BTNL9: variants seen among roughly 807,000 people sequenced by gnomAD.
The protein encoded by BTNL9 is butyrophilin-like protein 9.
In BTNL9, 45 loss-of-function variants were observed where a neutral mutation model predicts 45.8. The observed-to-expected ratio is 0.98, with a 90% CI of 0.77 to 1.26. The LOEUF is 1.26. Among genes scored for constraint, BTNL9 ranks in the 50% most tolerant of loss-of-function variants. The pLI, the probability that BTNL9 is intolerant of heterozygous loss-of-function variation, is 0.00. For synonymous variants in BTNL9, 346 were observed against 330.8 expected, an observed-to-expected ratio of 1.05 and a Z score of -0.50; for missense variants, 784 against 729.7, an observed-to-expected ratio of 1.07 and a Z score of -0.86.
intron 7 of BTNL9, 95 bp downstream of exon 7, chr5:181,054,354 A>G (rs956305474): frequency 4.4e-6 from 7 of 1,576,808 alleles, no homozygotes; most frequent in Admixed American, 3.9e-5. Flanking sequence ...GCGGCTGGCA[A>G]CTATCTAATT....
chr5:181,045,446 C>A, intron 1 of BTNL9, 21 bp from the exon 2 acceptor site: 2 of 1,325,330 alleles, frequency 1.5e-6, no homozygotes, highest in Non-Finnish European at 1.1e-6. Flanking sequence ...GTCGCTCCAG[C>A]ACCCCTTTGT....
Position 181,055,204 on chromosome 5 carries a change from G to T in BTNL9, c.908-229G>T. On this transcript the variant is annotated intron_variant, in intron 7 of 10. Coordinates refer to ENST00000327705, the MANE Select transcript of BTNL9 (RefSeq NM_152547.5). The surrounding 1 kb of genome is among the most constrained non-coding windows in gnomAD (Gnocchi z 4.4). ...TAAGATCTGGTATCCCTTCTAGGCT[G>T]TGTGCAGATTTCCACCTTTGAGCTA... is the stretch of plus-strand genomic sequence containing the variant. The T allele has an allele frequency of 7.1e-7, 1 of 1,415,362 alleles. No individual in the cohort carries two copies. Among genetic ancestry groups the T allele is most frequent in the African/African-American group, 1.4e-5 (1 of 69,172 alleles). 87.7% of individuals were successfully genotyped at this position (1,415,362 alleles called of 1,614,324 possible). A position where few individuals can be genotyped will look rare whatever the true frequency, so the allele number is the denominator to read the frequency against.
chr5:181,057,010 G>C (rs931836386), intron 9 of BTNL9: 84 of 23,768 alleles, frequency 3.5e-3, no homozygotes, highest in African/African-American at 0.023. Context: ...TTATATATCT[G>C]TGTGTGTGTG....
chr5:181,052,987 A>C (rs1197067020), intron 4 of BTNL9: 5 of 126,960 alleles, frequency 3.9e-5, no homozygotes, highest in African/African-American at 1.5e-4. Flanking sequence ...TCCCTCCCGC[A>C]CGCCCCGCGG....
chr5:181,059,567 T>C lies in BTNL9; in HGVS notation c.1313T>C (p.Val438Ala), dbSNP rs1163783427. 1.2e-6 allele frequency: 2 copies of C among 1,611,674 alleles called. No individual in the cohort carries two copies. Among genetic ancestry groups the C allele is most frequent in the African/African-American group, 2.7e-5 (2 of 74,900 alleles). ...TACTTCGTCCTGGCCCCGCACCGCG[T>C]CGCGCTCACCCTGCGCGTGCCCCCG... ...CEYFVLAPHR[V>A]ALTLRVPPRR... The change falls in exon 11 of 11, where the codon GTC (valine) becomes GCC (alanine). Residue 438 changes from valine to alanine, a missense_variant. Coordinates refer to ENST00000327705, the MANE Select transcript of BTNL9 (RefSeq NM_152547.5).
At chr5:181,044,070 G>A (rs1318098073) in intron 1 of BTNL9, among the ~76,000 whole-genome samples, 1 of 152,192 alleles carries the variant, frequency 6.6e-6, no homozygotes, top group Admixed American at 6.5e-5. Context: ...TTAGCTCTAG[G>A]AGACAGGGCC....
At position 181,042,251 on chromosome 5, in the gene BTNL9, G is replaced by C. The variant is rs1760809337; in HGVS notation, c.-24+1819G>C. Among the ~76,000 whole-genome samples the C allele has an allele frequency of 6.6e-6, 1 of 152,248 alleles. No individual in the cohort carries two copies. The highest frequency in any genetic ancestry group is 6.5e-5 in the Admixed American group (1 of 15,286). ...GCTCCTGGGAGGACAAGCAGCACGT[G>C]CCCGCCGGCAGAGCTCAGCTCCAGC... On this transcript the variant is annotated intron_variant, in intron 1 of 10. Transcript: ENST00000327705. This position sits in a 1 kb window ranked among gnomAD's most constrained non-coding sequence, Gnocchi z 4.5.
chr5:181,059,250 G>C lies in BTNL9; in HGVS notation c.996G>C (p.Leu332=), dbSNP rs1354241432. Residue 332 remains leucine (L), a synonymous_variant, in exon 11 of 11, where the codon CTG becomes CTC. Transcript: ENST00000327705. ...AAQKYAVDVT[L]DPASAHPSLE... ...GGCTCTGCGCAGTGGATGTGACGCT[G>C]GACCCGGCCTCGGCGCACCCCAGCC... The C allele has an allele frequency of 6.4e-7, 1 of 1,561,722 alleles. No individual in the cohort carries two copies. The highest frequency in any genetic ancestry group is 1.8e-5 in the Admixed American group (1 of 55,042).
chr5:181,058,257 G>A, intron 9 of BTNL9, 95 bp from the exon 10 acceptor site: 1 of 1,401,348 alleles, frequency 7.1e-7, no homozygotes, highest in Non-Finnish European at 1.0e-6. Flanking sequence ...CATTCGATCT[G>A]CATGCATCCC....
chr5:181,049,531 T>C (rs115521920), intron 3 of BTNL9, among the ~76,000 whole-genome samples: 2,028 of 152,278 alleles, frequency 0.013, 49 homozygotes, highest in African/African-American at 0.046. Context: ...AAGGATAAAC[T>C]AGAAGCTGAT....
In BTNL9 at chr5:181,055,178, C is replaced by A. The variant is rs1026613943; in HGVS notation, c.908-255C>A. 1 of 1,336,576 alleles carries A rather than the reference C, an allele frequency of 7.5e-7. No individual in the cohort carries two copies. Among genetic ancestry groups the A allele is most frequent in the African/African-American group, 1.5e-5 (1 of 67,082 alleles). The allele number at this position is 1,336,576 out of a possible 1,614,324, so 82.8% of individuals were successfully genotyped here. A position where few individuals can be genotyped will look rare whatever the true frequency, so the allele number is the denominator to read the frequency against. On this transcript the variant is annotated intron_variant, in intron 7 of 10. Coordinates refer to ENST00000327705, the MANE Select transcript of BTNL9 (RefSeq NM_152547.5). The surrounding 1 kb of genome is among the most constrained non-coding windows in gnomAD (Gnocchi z 4.4). ...AACCCTGGGAAGAGGCCTGTCAGTA[C>A]TAAGATCTGGTATCCCTTCTAGGCT...
Position 181,059,457 on chromosome 5 carries a change from C to T in BTNL9, c.1203C>T (p.Cys401=). ...GRRSRWFLGA[C]LAAVPRAGPA... ...GCAGCCGCTGGTTCCTGGGCGCCTG[C>T]CTGGCCGCGGTGCCGCGCGCGGGGC... The change falls in exon 11 of 11, where the codon TGC becomes TGT. Residue 401 remains cysteine, a synonymous_variant. Transcript: ENST00000327705. 6.9e-7 allele frequency: 1 copy of T among 1,451,532 alleles called. No homozygotes were observed. The highest frequency in any genetic ancestry group is 9.0e-7 in the Non-Finnish European group (1 of 1,108,820). 89.9% of individuals were successfully genotyped at this position (1,451,532 alleles called of 1,614,324 possible). A position where few individuals can be genotyped will look rare whatever the true frequency, so the allele number is the denominator to read the frequency against.
In BTNL9 at chr5:181,053,801, G is replaced by C. The variant is rs1412126371; in HGVS notation, c.886+300G>C. The C allele has an allele frequency of 6.6e-6, 10 of 1,521,924 alleles. No individual in the cohort carries two copies. Among genetic ancestry groups the C allele is most frequent in the Non-Finnish European group, 7.9e-6 (9 of 1,138,064 alleles). 94.3% of individuals were successfully genotyped at this position (1,521,924 alleles called of 1,614,324 possible). A position where few individuals can be genotyped will look rare whatever the true frequency, so the allele number is the denominator to read the frequency against. The stretch of plus-strand genomic sequence containing the variant: ...CACTGTACAGAGGGAGCGGTGACCA[G>C]GGTCTCTGCTGCCAGCGCCACCTCG... On this transcript the variant is annotated intron_variant, in intron 6 of 10. Transcript: ENST00000327705. The surrounding 1 kb of genome is among the most constrained non-coding windows in gnomAD (Gnocchi z 6.5).
intron 2 of BTNL9, 48 bp from the exon 3 acceptor site, chr5:181,047,878 TA>T (rs779339216): frequency 6.6e-7 from 1 of 1,524,716 alleles, no homozygotes. Flanking sequence ...ATAACTTTTT[TA>T]AAAATTGGAT....
In BTNL9 at chr5:181,048,286, C is replaced by T. The variant is rs776252138; in HGVS notation, c.454+15C>T. 6.3e-7 allele frequency: 1 copy of T among 1,584,864 alleles called. No individual in the cohort carries two copies. The highest frequency in any genetic ancestry group is 8.6e-7 in the Non-Finnish European group (1 of 1,158,240). ...GGAGGTAGCAGGTGCGTGGACTGAC[C>T]TAAGGCCCTGCAGAGGAGAGGGAGA... On this transcript the variant is annotated intron_variant, in intron 3 of 10. Coordinates refer to ENST00000327705, the MANE Select transcript of BTNL9 (RefSeq NM_152547.5).
rs1212071655 is a variant in BTNL9, at chr5:181,061,330, G to C, written c.*1468G>C. ...TTCATTGTACTATCAATGTGGCTTT[G>C]CTGTGGGTTTGAAATTTTGCAAACT... On this transcript the variant is annotated 3_prime_UTR_variant, in exon 11 of 11. Coordinates refer to ENST00000327705, the MANE Select transcript of BTNL9 (RefSeq NM_152547.5). The C allele has an allele frequency of 7.9e-5, 12 of 152,194 alleles. No individual in the cohort carries two copies. Among genetic ancestry groups the C allele is most frequent in the African/African-American group, 2.4e-4 (10 of 41,446 alleles). 9.4% of individuals were successfully genotyped at this position (152,194 alleles called of 1,614,324 possible).
At position 181,055,474 on chromosome 5, in the gene BTNL9, C is replaced by G. The variant is rs774457661; in HGVS notation, c.928+21C>G. ...GCTTGGTAAGTGACCCCTCTTAGAACTATTTCTCCTCAGGGCCGGGTCCAG... is the reference window on the plus strand; with the variant it reads ...GCTTGGTAAGTGACCCCTCTTAGAAGTATTTCTCCTCAGGGCCGGGTCCAG... On this transcript the variant is annotated intron_variant, in intron 8 of 10. Coordinates refer to ENST00000327705, the MANE Select transcript of BTNL9 (RefSeq NM_152547.5). The surrounding 1 kb of genome is among the most constrained non-coding windows in gnomAD (Gnocchi z 4.4). The G allele has an allele frequency of 2.5e-6, 4 of 1,613,838 alleles. No individual in the cohort carries two copies. The highest frequency in any genetic ancestry group is 4.5e-5 in the East Asian group (2 of 44,870).
chr5:181,043,622 G>A (rs1375249334), intron 1 of BTNL9: 1 of 152,312 alleles, frequency 6.6e-6, no homozygotes, highest in Non-Finnish European at 1.5e-5. Context: ...CACACCCTGA[G>A]CCCCTCTTGG....
rs1761713525 is a variant in BTNL9, at chr5:181,053,753, T to TA, written c.886+253dup. 6.6e-7 allele frequency: 1 copy of TA among 1,513,800 alleles called. No individual in the cohort carries two copies. Among genetic ancestry groups the TA allele is most frequent in the Non-Finnish European group, 8.8e-7 (1 of 1,132,220 alleles). 93.8% of individuals were successfully genotyped at this position (1,513,800 alleles called of 1,614,324 possible). A position where few individuals can be genotyped will look rare whatever the true frequency, so the allele number is the denominator to read the frequency against. On this transcript the variant is annotated intron_variant, in intron 6 of 10. Transcript: ENST00000327705. This position sits in a 1 kb window ranked among gnomAD's most constrained non-coding sequence, Gnocchi z 6.5. ...GTCAGGGTTGACCGGCTGCTGTCGT[T>TA]ACGCCCTCGGAGCTTCACATCACAC...
Sources: allele counts gnomAD v4.1 joint callset (sites outside exome capture counted in the v4.1 genomes callset), GRCh38; gene constraint gnomAD v4.1.1; non-coding constraint Gnocchi (gnomAD v3.1); transcripts MANE v1.5; gene names NCBI Gene and HGNC (gene_info 2026-07-23, HGNC 2026-07-21).